The following PLAAT3 variants were observed in gnomAD, a reference collection of about 807,000 sequenced individuals.
The protein encoded by PLAAT3 is phospholipase A and acyltransferase 3.
A neutral mutation model predicts 16.7 loss-of-function variants in PLAAT3; 21 were observed. The ratio of observed to expected loss-of-function variants is 1.26; its 90% CI spans 0.89 to 1.81. PLAAT3 has a LOEUF of 1.81. Among genes scored for constraint, PLAAT3 ranks in the 40% most tolerant of loss-of-function variants. The pLI, the probability that PLAAT3 is intolerant of heterozygous loss-of-function variation, is 0.00. For missense variants in PLAAT3, 219 were observed against 213.7 expected (o/e 1.02, Z -0.16); for synonymous variants, 76 against 81.7 (o/e 0.93, Z 0.38).
chr11:63,590,124 G>C lies in PLAAT3; in HGVS notation c.363C>G (p.Arg121=). The change falls in exon 4 of 5, where the codon CGC becomes CGG. Residue 121 remains arginine, a synonymous_variant. Coordinates refer to ENST00000415826, the MANE Select transcript of PLAAT3 (RefSeq NM_001128203.2). ...CCTGGTCACTGCGGGCGACTCCATA[G>C]CGCAGCTCATTCACAAAGTGCTCGC... ...ENCEHFVNEL[R]YGVARSDQVR... 2 of 1,614,154 alleles carry C rather than the reference G, an allele frequency of 1.2e-6. No individual in the cohort carries two copies. The highest frequency in any genetic ancestry group is 1.7e-6 in the Non-Finnish European group (2 of 1,180,022).
intron 4 of PLAAT3, among the ~76,000 whole-genome samples, chr11:63,576,819 G>C (rs762428603): frequency 1.3e-5 from 2 of 152,182 alleles, no homozygotes; most frequent in African/African-American, 2.4e-5. Context: ...TAGTAAGACA[G>C]TGAGTATATT....
chr11:63,578,236 T>C (rs1199215672), intron 4 of PLAAT3, among the ~76,000 whole-genome samples: 2 of 151,382 alleles, frequency 1.3e-5, no homozygotes, highest in Non-Finnish European at 2.9e-5. Flanking sequence ...TGAGCTGAGA[T>C]GGTGCCACTG....
chr11:63,616,491 G>A (rs1467226570), upstream of PLAAT3: 4 of 151,782 alleles, frequency 2.6e-5, no homozygotes, highest in Non-Finnish European at 5.9e-5. Context: ...TCAAACTCCT[G>A]GACTCAAGTG....
rs576417559 is a variant in PLAAT3, at chr11:63,602,975, C to T, written c.16-4812G>A. ...ACGCCTGTTGGCAGGCTCCCGTAGT[C>T]CCAGCTACTCAGGAGGCTGAGGCAG... On this transcript the variant is annotated intron_variant, in intron 2 of 4. Transcript: ENST00000415826. Among the ~76,000 whole-genome samples, 16 of 152,238 alleles carry T rather than the reference C, an allele frequency of 1.1e-4. No individual in the cohort carries two copies. In the East Asian group the frequency reaches 1.9e-3, roughly 18 times the overall value.
intron 2 of PLAAT3, among the ~76,000 whole-genome samples, chr11:63,613,431 A>AATAAAT (rs10658157): frequency 0.29 from 42,330 of 147,614 alleles, 7,105 homozygotes; most frequent in East Asian, 0.58. Flanking sequence ...AATAAAAATA[A>AATAAAT]AAATAAATAA....
At chr11:63,607,631 T>C (rs1380884952) in intron 2 of PLAAT3, among the ~76,000 whole-genome samples, 2 of 151,974 alleles carry the variant, frequency 1.3e-5, no homozygotes, top group Non-Finnish European at 2.9e-5. Context: ...GAAACTTGTA[T>C]GTGGTAGAGA....
intron 2 of PLAAT3, among the ~76,000 whole-genome samples, chr11:63,604,291 TTA>T (rs1473142858): frequency 6.6e-6 from 1 of 152,198 alleles, no homozygotes; most frequent in Non-Finnish European, 1.5e-5. Flanking sequence ...TTATATTATT[TTA>T]TTGTTTGAAT....
At chr11:63,594,637 A>G (rs1488232191) in intron 3 of PLAAT3, among the ~76,000 whole-genome samples, 1 of 152,156 alleles carries the variant, frequency 6.6e-6, no homozygotes, top group East Asian at 1.9e-4. Flanking sequence ...AAGAAAAAAG[A>G]AAGTGTGGGT....
Position 63,574,482 on chromosome 11 carries a change from C to A in PLAAT3, c.*463G>T. 6.6e-6 allele frequency: 1 copy of A among 150,958 alleles called. No homozygotes were observed. The highest frequency in any genetic ancestry group is 1.5e-5 in the Non-Finnish European group (1 of 68,506). The allele number at this position is 150,958 out of a possible 1,614,324, so 9.4% of individuals were successfully genotyped here. ...GAGGACTTTTTTTTTTTCAACTCAG[C>A]TGAACATCTACAGACTCCAGCTGCT... On this transcript the variant is annotated 3_prime_UTR_variant, in exon 5 of 5. Transcript: ENST00000415826.
intron 4 of PLAAT3, 48 bp downstream of exon 4, chr11:63,590,052 A>T (rs1938103356): frequency 6.3e-7 from 1 of 1,582,902 alleles, no homozygotes; most frequent in Non-Finnish European, 8.6e-7. Flanking sequence ...CCGTCAGCAG[A>T]GGGAATGGTC....
upstream of PLAAT3, among the ~76,000 whole-genome samples, chr11:63,615,683 T>C (rs1938856864): frequency 6.6e-6 from 1 of 151,728 alleles, no homozygotes; most frequent in African/African-American, 2.4e-5. Context: ...TTTGTTTTTT[T>C]TTTTTTGAGA....
chr11:63,606,441 C>T (rs1369085636), intron 2 of PLAAT3, among the ~76,000 whole-genome samples: 1 of 151,094 alleles, frequency 6.6e-6, no homozygotes, highest in Non-Finnish European at 1.5e-5. Context: ...CACACACACA[C>T]ACACACACAC....
At position 63,614,171 on chromosome 11, in the gene PLAAT3, T is replaced by G. The variant is rs1938770019; in HGVS notation, c.-54-103A>C. The stretch of plus-strand genomic sequence containing the variant: ...TTGGGCAGGGCGTGAGAGGCGCGCC[T>G]CGGACCCCAGGAACAACCACCTCGC... On this transcript the variant is annotated intron_variant, in intron 1 of 4. Transcript: ENST00000415826. 3 of 973,804 alleles carry G rather than the reference T, an allele frequency of 3.1e-6. No individual in the cohort carries two copies. The Admixed American group carries it at 6.4e-5, about 21-fold the overall frequency. 60.3% of individuals were successfully genotyped at this position (973,804 alleles called of 1,614,324 possible).
intron 4 of PLAAT3, among the ~76,000 whole-genome samples, chr11:63,578,785 G>C (rs1487320773): frequency 6.6e-6 from 1 of 151,338 alleles, no homozygotes; most frequent in Non-Finnish European, 1.5e-5. Context: ...GAAAACCTAG[G>C]CAATACCATT....
At chr11:63,610,878 C>CA (rs1207848996) in intron 2 of PLAAT3, among the ~76,000 whole-genome samples, 2 of 152,090 alleles carry the variant, frequency 1.3e-5, no homozygotes, top group Admixed American at 6.6e-5. Context: ...ATTTGGAACA[C>CA]AGAGAGGAGA....
rs556692231 is a variant in PLAAT3 at position 63,606,825 on chromosome 11, G to A, written c.15+7175C>T. 1.3e-3 allele frequency among the ~76,000 whole-genome samples: 197 copies of A among 152,308 alleles called. 1 individual carries two copies. Among genetic ancestry groups the A allele is most frequent in the African/African-American group, 4.6e-3 (190 of 41,566 alleles). On this transcript the variant is annotated intron_variant, in intron 2 of 4. Transcript: ENST00000415826. ...AACGGAGGGTCCAAGAAAAGCAGCC[G>A]GTCCGGAAGGCAACGCAGCACCTGA...
intron 4 of PLAAT3, among the ~76,000 whole-genome samples, chr11:63,588,680 C>T (rs769318356): frequency 2.0e-5 from 3 of 152,186 alleles, no homozygotes; most frequent in Non-Finnish European, 4.4e-5. Context: ...GTACCACCTA[C>T]TCAATTTCTA....
At chr11:63,602,376 A>G (rs182885910) in intron 2 of PLAAT3, among the ~76,000 whole-genome samples, 4 of 152,208 alleles carry the variant, frequency 2.6e-5, no homozygotes, top group Non-Finnish European at 2.9e-5. Flanking sequence ...GCGCTATGAA[A>G]TGAAGATATG....
Position 63,590,446 on chromosome 11 carries a change from G to T in PLAAT3, c.119-78C>A. The T allele has an allele frequency of 2.9e-6, 4 of 1,362,400 alleles. No homozygotes were observed. In the Admixed American group the frequency reaches 7.1e-5, roughly 24 times the overall value. The allele number at this position is 1,362,400 out of a possible 1,614,324, so 84.4% of individuals were successfully genotyped here. ...AGGCTCAGAGCTGGCCCCCAGCCGG[G>T]CATCTGCCCTTGGCTCATCCACAAA... On this transcript the variant is annotated intron_variant, in intron 3 of 4. Transcript: ENST00000415826.
Sources: allele counts gnomAD v4.1 joint callset (sites outside exome capture counted in the v4.1 genomes callset), GRCh38; gene constraint gnomAD v4.1.1; transcripts MANE v1.5; gene names NCBI Gene and HGNC (gene_info 2026-07-23, HGNC 2026-07-21).